FUBP1: variants seen among roughly 807,000 people sequenced by gnomAD.
FUBP1 encodes far upstream element binding protein 1.
FUBP1 carries 16 observed loss-of-function variants against 94.9 expected under a neutral mutation model. The ratio of observed to expected loss-of-function variants is 0.17; its 90% CI spans 0.11 to 0.26. FUBP1 has a LOEUF of 0.26. Among genes scored for constraint, FUBP1 ranks in the 10% least tolerant of loss-of-function variants. The pLI, the probability that FUBP1 is intolerant of heterozygous loss-of-function variation, is 1.00. For missense variants in FUBP1, 583 were observed against 808.6 expected, an observed-to-expected ratio of 0.72 and a Z score of 3.38; for synonymous variants, 279 against 254.9, an observed-to-expected ratio of 1.09 and a Z score of -0.90.
At chr1:77,973,526 G>A (rs1335914917) in intron 1 of FUBP1, among the ~76,000 whole-genome samples, 4 of 152,218 alleles carry the variant, frequency 2.6e-5, no homozygotes, top group African/African-American at 7.2e-5. Context: ...GATTACAGGC[G>A]TAAGCCACCA....
intron 16 of FUBP1, 148 bp downstream of exon 16, chr1:77,960,036 C>T (rs1655165995): frequency 4.7e-6 from 3 of 642,330 alleles, no homozygotes; most frequent in African/African-American, 3.7e-5. Flanking sequence ...GTCCTATACA[C>T]TGGGGTAGAG....
Position 77,948,679 on chromosome 1 carries a change from T to C in FUBP1, c.*87A>G. The C allele has an allele frequency of 6.7e-7, 1 of 1,488,720 alleles. No individual in the cohort carries two copies. The highest frequency in any genetic ancestry group is 8.9e-7 in the Non-Finnish European group (1 of 1,121,956). The allele number at this position is 1,488,720 out of a possible 1,614,324, so 92.2% of individuals were successfully genotyped here. On this transcript the variant is annotated 3_prime_UTR_variant, in exon 20 of 20. Transcript: ENST00000370768. ...TTTTAAACCAAAAACAAAATTAAGA[T>C]CTTCATCAAGTCGTCTGCATCCATA...
intron 18 of FUBP1, among the ~76,000 whole-genome samples, chr1:77,953,962 C>A (rs1653979360): frequency 6.6e-6 from 1 of 152,070 alleles, no homozygotes; most frequent in Non-Finnish European, 1.5e-5. Context: ...GGGGACATTA[C>A]CCATTGAGAA....
chr1:77,969,091 A>G, intron 2 of FUBP1: 1 of 1,212,482 alleles, frequency 8.2e-7, no homozygotes, highest in Middle Eastern at 2.2e-4. Context: ...CCATCTACAC[A>G]TAAAATAAAA....
At chr1:77,952,472 G>A (rs1173252925) in intron 18 of FUBP1, among the ~76,000 whole-genome samples, 1 of 151,630 alleles carries the variant, frequency 6.6e-6, no homozygotes, top group Admixed American at 6.6e-5. Context: ...TCCAAAAGCT[G>A]TGAAAGCCTG....
At chr1:77,978,321 G>A (rs1255475943) in intron 1 of FUBP1, among the ~76,000 whole-genome samples, 2 of 152,176 alleles carry the variant, frequency 1.3e-5, no homozygotes, top group East Asian at 1.9e-4. Context: ...GAAATAAGGG[G>A]GGCGGACTGG....
At chr1:77,956,768 A>AC (rs547395272) in intron 16 of FUBP1, 68 bp from the exon 17 acceptor site, 654 of 1,109,764 alleles carry the variant, frequency 5.9e-4, no homozygotes, top group Non-Finnish European at 7.4e-4. Context: ...CACACACACC[A>AC]CCCCCCCGCC....
chr1:77,967,671 C>CA lies in FUBP1; in HGVS notation c.251-6dup. On this transcript the variant is annotated splice_polypyrimidine_tract_variant and splice_region_variant and intron_variant, in intron 3 of 19. Transcript: ENST00000370768. The stretch of plus-strand genomic sequence containing the variant: ...GTGGTAACTGTGTTCCAAAAGCTAT[C>CA]AAAAAATTAAATAAAAATAAAACAA... 1 of 1,537,208 alleles carries CA rather than the reference C, an allele frequency of 6.5e-7. No individual in the cohort carries two copies. The highest frequency in any genetic ancestry group is 8.9e-7 in the Non-Finnish European group (1 of 1,120,194).
intron 17 of FUBP1, among the ~76,000 whole-genome samples, chr1:77,956,357 C>T (rs1654457441): frequency 6.6e-6 from 1 of 152,104 alleles, no homozygotes; most frequent in Non-Finnish European, 1.5e-5. Context: ...GGGAATAAAA[C>T]ATTAACAGCT....
intron 1 of FUBP1, among the ~76,000 whole-genome samples, chr1:77,977,767 C>A (rs914791417): frequency 4.6e-5 from 7 of 152,146 alleles, no homozygotes; most frequent in African/African-American, 1.7e-4. Flanking sequence ...TTAATGATGA[C>A]CTTTTGTTGA....
intron 1 of FUBP1, among the ~76,000 whole-genome samples, chr1:77,978,097 G>A (rs1048193770): frequency 2.0e-5 from 3 of 152,328 alleles, no homozygotes; most frequent in Admixed American, 2.0e-4. Flanking sequence ...AAATATATTA[G>A]GGGACTATCT....
chr1:77,956,776 G>A (rs571651898), intron 16 of FUBP1, 76 bp from the exon 17 acceptor site: 47 of 1,045,512 alleles, frequency 4.5e-5, no homozygotes, highest in South Asian at 2.4e-4. Context: ...CCACCCCCCC[G>A]CCCAGCTCTC....
intron 7 of FUBP1, among the ~76,000 whole-genome samples, chr1:77,965,883 C>G (rs1656383370): frequency 6.6e-6 from 1 of 152,158 alleles, no homozygotes; most frequent in South Asian, 2.1e-4. Flanking sequence ...CCTGTCTCTA[C>G]TAAAAAAATA....
At chr1:77,968,867 C>A (rs868281239) in intron 2 of FUBP1, among the ~76,000 whole-genome samples, 6 of 152,208 alleles carry the variant, frequency 3.9e-5, no homozygotes, top group East Asian at 3.9e-4. Context: ...TCTCCTCCCC[C>A]CTTCAAACTT....
intron 18 of FUBP1, among the ~76,000 whole-genome samples, chr1:77,953,082 G>C (rs1186277035): frequency 6.6e-6 from 1 of 152,044 alleles, no homozygotes; most frequent in Non-Finnish European, 1.5e-5. Flanking sequence ...GTTGCACTGA[G>C]ACGAAATCGC....
intron 14 of FUBP1, among the ~76,000 whole-genome samples, chr1:77,961,426 A>C (rs1655457027): frequency 6.6e-6 from 1 of 152,222 alleles, no homozygotes; most frequent in Non-Finnish European, 1.5e-5. Flanking sequence ...TATTCTTTCC[A>C]AGTAGTAAAA....
At chr1:77,948,866 A>G (rs1221895437) in intron 19 of FUBP1, 92 bp from the exon 20 acceptor site, 2 of 1,556,288 alleles carry the variant, frequency 1.3e-6, no homozygotes, top group East Asian at 2.3e-5. Context: ...TAAGAAAGAA[A>G]AAGTGGTTAA....
At chr1:77,960,659 CATA>C (rs1557439147) in intron 14 of FUBP1, 164 bp from the exon 15 acceptor site, 10 of 536,964 alleles carry the variant, frequency 1.9e-5, no homozygotes, top group East Asian at 1.7e-4. Context: ...TTTCATCTGC[CATA>C]ATAATGAGAC....
chr1:77,960,114 T>C, intron 16 of FUBP1, 70 bp downstream of exon 16: 2 of 1,117,468 alleles, frequency 1.8e-6, no homozygotes, highest in South Asian at 1.3e-5. Flanking sequence ...GAATCAACAC[T>C]AGAAAATTTA....
Sources: allele counts gnomAD v4.1 joint callset (sites outside exome capture counted in the v4.1 genomes callset), GRCh38; gene constraint gnomAD v4.1.1; transcripts MANE v1.5; gene names NCBI Gene and HGNC (gene_info 2026-07-23, HGNC 2026-07-21).